The following ZNF521 variants were observed in gnomAD, a reference collection of about 807,000 sequenced individuals.
The protein encoded by ZNF521 is LYST-interacting protein 3.
In ZNF521, 14 loss-of-function variants were observed where a neutral mutation model predicts 105.5. The observed-to-expected ratio is 0.13, with a 90% CI of 0.09 to 0.21. ZNF521 has a LOEUF of 0.21. Ranked by LOEUF, ZNF521 falls within the 10% of genes least tolerant of loss-of-function variation. The pLI is 1.00. For synonymous variants in ZNF521, 635 were observed against 606.0 expected, an observed-to-expected ratio of 1.05 and a Z score of -0.70; for missense variants, 1,233 against 1,629.7, an observed-to-expected ratio of 0.76 and a Z score of 4.19.
At chr18:25,309,637 A>T (rs1462320042) in intron 3 of ZNF521, among the ~76,000 whole-genome samples, 1 of 152,220 alleles carries the variant, frequency 6.6e-6, no homozygotes, top group Middle Eastern at 3.2e-3. Context: ...GGTGAAAAGC[A>T]AATATTTTGC....
At position 25,061,988 on chromosome 18, in the gene ZNF521, G is replaced by A. The variant is rs1373579897; in HGVS notation, c.*724C>T. 1 of 185,890 alleles carries A rather than the reference G, an allele frequency of 5.4e-6. No homozygotes were observed. The highest frequency in any genetic ancestry group is 2.3e-5 in the African/African-American group (1 of 42,696). 11.5% of individuals were successfully genotyped at this position (185,890 alleles called of 1,614,324 possible). On this transcript the variant is annotated 3_prime_UTR_variant, in exon 8 of 8. Coordinates refer to ENST00000361524, the MANE Select transcript of ZNF521 (RefSeq NM_015461.3). ...TTCCAGTAATCTCCAGGTTCAGACT[G>A]CAGAGTAAACATTAATAACAGTAAC...
Position 25,062,771 on chromosome 18 carries a change from AAAAAAAAAAAAAAAG to A in ZNF521, c.3907-45_3907-31del, listed in dbSNP as rs1599949448. Reference sequence around the variant, plus strand: ...AAATAACAAAAAAAAAAAAAAAAAAAAAAAAAAAAAAAAAGAGAAGAGAGGGAAAACAAACTTCAG... The same window carrying A: ...AAATAACAAAAAAAAAAAAAAAAAAAAGAAGAGAGGGAAAACAAACTTCAG... On this transcript the variant is annotated intron_variant, in intron 7 of 7. Coordinates refer to ENST00000361524, the MANE Select transcript of ZNF521 (RefSeq NM_015461.3). 20 of 1,482,542 alleles carry A rather than the reference AAAAAAAAAAAAAAAG, an allele frequency of 1.3e-5. No individual in the cohort carries two copies. The African/African-American group carries it at 1.9e-4, about 14-fold the overall frequency. The allele number at this position is 1,482,542 out of a possible 1,614,324, so 91.8% of individuals were successfully genotyped here.
Position 25,218,482 on chromosome 18 carries a change from TAAAAAA to T in ZNF521, c.3573+5857_3573+5862del, listed in dbSNP as rs35500329. Among the ~76,000 whole-genome samples the T allele has an allele frequency of 8.8e-5, 7 of 79,844 alleles. No homozygotes were observed. In the East Asian group the frequency reaches 2.4e-3, roughly 27 times the overall value. 52.4% of individuals were successfully genotyped at this position (79,844 alleles called of 152,430 possible). A position where few individuals can be genotyped will look rare whatever the true frequency, so the allele number is the denominator to read the frequency against. On this transcript the variant is annotated intron_variant, in intron 4 of 7. Coordinates refer to ENST00000361524, the MANE Select transcript of ZNF521 (RefSeq NM_015461.3). ...CAACATAATGAGACCTCGAGCCTAC[TAAAAAA>T]AAAAAAAAAAAAAAAAAAATTAGCT...
chr18:25,331,319 A>T (rs891075381), intron 2 of ZNF521, among the ~76,000 whole-genome samples: 3 of 68,150 alleles, frequency 4.4e-5, no homozygotes, highest in South Asian at 3.7e-4. Flanking sequence ...TAAAACTGCT[A>T]AAAAAAAAAA....
At chr18:25,340,144 C>A (rs1386320538) in intron 2 of ZNF521, among the ~76,000 whole-genome samples, 3 of 152,096 alleles carry the variant, frequency 2.0e-5, no homozygotes, top group South Asian at 4.1e-4. Flanking sequence ...CACTTGAGGT[C>A]AAGAGTTTGA....
At chr18:25,234,943 CAAT>C (rs1397423713) in intron 3 of ZNF521, among the ~76,000 whole-genome samples, 2 of 151,912 alleles carry the variant, frequency 1.3e-5, no homozygotes, top group African/African-American at 4.8e-5. Context: ...AATTTATTAA[CAAT>C]ATTATTATTC....
At chr18:25,094,258 G>A (rs1472316740) in intron 5 of ZNF521, among the ~76,000 whole-genome samples, 9 of 152,110 alleles carry the variant, frequency 5.9e-5, no homozygotes, top group Non-Finnish European at 1.5e-5. Context: ...TTGACTATGA[G>A]TATTTTGTTT....
chr18:25,141,510 C>T (rs369118394), intron 5 of ZNF521, among the ~76,000 whole-genome samples: 200 of 152,298 alleles, frequency 1.3e-3, no homozygotes, highest in African/African-American at 4.6e-3. Context: ...AGTGGTTCTA[C>T]ATGTAAAGAA....
At chr18:25,173,946 T>C (rs1034906684) in intron 5 of ZNF521, among the ~76,000 whole-genome samples, 12 of 152,210 alleles carry the variant, frequency 7.9e-5, no homozygotes, top group Admixed American at 1.3e-4. Context: ...GATTCATTCC[T>C]TTCATTTTAT....
intron 4 of ZNF521, among the ~76,000 whole-genome samples, chr18:25,210,753 C>T (rs747474700): frequency 6.6e-6 from 1 of 152,166 alleles, no homozygotes; most frequent in Non-Finnish European, 1.5e-5. Flanking sequence ...CGGAGGCTAC[C>T]AAGCCAAAGC....
At chr18:25,208,667 G>C (rs1176361895) in intron 4 of ZNF521, among the ~76,000 whole-genome samples, 1 of 151,714 alleles carries the variant, frequency 6.6e-6, no homozygotes, top group Non-Finnish European at 1.5e-5. Flanking sequence ...TCAATTTCTA[G>C]ATATTTATCA....
At chr18:25,335,971 C>G (rs530855836) in intron 2 of ZNF521, among the ~76,000 whole-genome samples, 1 of 152,102 alleles carries the variant, frequency 6.6e-6, no homozygotes, top group Non-Finnish European at 1.5e-5. Flanking sequence ...ATTGAACAAG[C>G]AAGGGAAGTT....
intron 3 of ZNF521, among the ~76,000 whole-genome samples, chr18:25,237,255 T>A (rs1906962207): frequency 6.6e-6 from 1 of 152,172 alleles, no homozygotes; most frequent in Non-Finnish European, 1.5e-5. Flanking sequence ...GCCAAAGTAG[T>A]TTTTCAAATA....
chr18:25,071,924 G>T (rs72878188), intron 7 of ZNF521, among the ~76,000 whole-genome samples: 18,986 of 152,046 alleles, frequency 0.12, 1,341 homozygotes, highest in Middle Eastern at 0.16. Context: ...AAAAGGGAGA[G>T]AATGGCCCCC....
At chr18:25,289,527 C>T (rs372429520) in intron 3 of ZNF521, among the ~76,000 whole-genome samples, 45 of 152,258 alleles carry the variant, frequency 3.0e-4, no homozygotes, top group African/African-American at 1.0e-3. Flanking sequence ...GCTCGGGAAG[C>T]GCATCATAAA....
chr18:25,287,833 G>A (rs1299428033), intron 3 of ZNF521, among the ~76,000 whole-genome samples: 1 of 152,180 alleles, frequency 6.6e-6, no homozygotes, highest in Non-Finnish European at 1.5e-5. Context: ...TAAGGACTGT[G>A]TGACTTCAGA....
chr18:25,078,791 C>T (rs1158275650), intron 7 of ZNF521, among the ~76,000 whole-genome samples: 1 of 152,176 alleles, frequency 6.6e-6, no homozygotes, highest in Non-Finnish European at 1.5e-5. Context: ...TGGCTATGAA[C>T]GAGGTGCAGT....
intron 3 of ZNF521, among the ~76,000 whole-genome samples, chr18:25,236,535 C>CAA (rs34602145): frequency 2.5e-5 from 3 of 122,300 alleles, no homozygotes; most frequent in Non-Finnish European, 3.6e-5. Context: ...GACTCCATCT[C>CAA]AAAAAAAAAA....
chr18:25,113,791 C>CACACACAT (rs1290881467), intron 5 of ZNF521, among the ~76,000 whole-genome samples: 1 of 149,748 alleles, frequency 6.7e-6, no homozygotes, highest in Non-Finnish European at 1.5e-5. Flanking sequence ...CACACACACA[C>CACACACAT]ACAGAGACGG....
Sources: allele counts gnomAD v4.1 joint callset (sites outside exome capture counted in the v4.1 genomes callset), GRCh38; gene constraint gnomAD v4.1.1; transcripts MANE v1.5; gene names NCBI Gene and HGNC (gene_info 2026-07-23, HGNC 2026-07-21).